NKAIN3: variants seen among roughly 807,000 people sequenced by gnomAD.
NKAIN3 encodes sodium/potassium transporting ATPase interacting 3.
NKAIN3 carries 25 observed loss-of-function variants against 30.2 expected under a neutral mutation model. That is an observed-to-expected ratio of 0.83 (90% CI 0.60 to 1.16). The LOEUF (loss-of-function observed/expected upper bound fraction) is 1.16, where lower values mean the gene tolerates loss of function less well. Ranked by LOEUF, NKAIN3 falls within the 50% of genes most tolerant of loss-of-function variation. The pLI, the probability that NKAIN3 is intolerant of heterozygous loss-of-function variation, is 0.00. For synonymous variants in NKAIN3, 91 were observed against 89.6 expected, an observed-to-expected ratio of 1.02 and a Z score of -0.09; for missense variants, 225 against 254.1, an observed-to-expected ratio of 0.89 and a Z score of 0.78.
intron 3 of NKAIN3, among the ~76,000 whole-genome samples, chr8:62,720,129 G>A (rs79693169): frequency 6.2e-4 from 95 of 152,094 alleles, no homozygotes; most frequent in African/African-American, 2.2e-3. Context: ...ATTTTATGTA[G>A]GATTGTGTCA....
intron 1 of NKAIN3, among the ~76,000 whole-genome samples, chr8:62,464,985 A>G (rs965781805): frequency 3.9e-5 from 6 of 152,194 alleles, no homozygotes; most frequent in Admixed American, 2.6e-4. Context: ...GAGTTTTCTT[A>G]TGCTATATCC....
At position 62,507,792 on chromosome 8, in the gene NKAIN3, T is replaced by C. The variant is rs373952479; in HGVS notation, c.55-71747T>C. ...CTTATGGAATCTGTAAAAGAAATGA[T>C]GCTTGTACTCGGCTCCCGACTGCAA... On this transcript the variant is annotated intron_variant, in intron 1 of 6. Transcript: ENST00000623646. Among the ~76,000 whole-genome samples the C allele has an allele frequency of 1.5e-4, 23 of 152,262 alleles. 1 individual carries two copies. The East Asian group carries it at 2.7e-3, about 18-fold the overall frequency.
At chr8:62,557,293 T>C (rs1210351728) in intron 1 of NKAIN3, among the ~76,000 whole-genome samples, 1 of 152,162 alleles carries the variant, frequency 6.6e-6, no homozygotes, top group African/African-American at 2.4e-5. Context: ...AGTTTCTTTA[T>C]TCACTTGTTG....
At chr8:62,647,311 A>G (rs1336348938) in intron 3 of NKAIN3, among the ~76,000 whole-genome samples, 4 of 152,206 alleles carry the variant, frequency 2.6e-5, no homozygotes, top group Non-Finnish European at 5.9e-5. Flanking sequence ...CATGCAGATG[A>G]AAAGCAAAGT....
intron 4 of NKAIN3, among the ~76,000 whole-genome samples, chr8:62,771,839 A>G (rs1349695114): frequency 6.6e-6 from 1 of 152,180 alleles, no homozygotes; most frequent in East Asian, 1.9e-4. Context: ...ACAGGCATAC[A>G]ATGCATAATA....
At chr8:62,922,259 T>C (rs1822303043) in intron 5 of NKAIN3, among the ~76,000 whole-genome samples, 1 of 152,228 alleles carries the variant, frequency 6.6e-6, no homozygotes, top group South Asian at 2.1e-4. Context: ...AGCTTCCTGC[T>C]GGCTAATGTT....
At chr8:62,791,243 T>C (rs1167556623) in intron 4 of NKAIN3, among the ~76,000 whole-genome samples, 1 of 151,954 alleles carries the variant, frequency 6.6e-6, no homozygotes, top group Non-Finnish European at 1.5e-5. Context: ...GAATATAAAA[T>C]GAACCAACAA....
At chr8:62,869,926 C>G (rs943864168) in intron 4 of NKAIN3, among the ~76,000 whole-genome samples, 1 of 152,016 alleles carries the variant, frequency 6.6e-6, no homozygotes, top group African/African-American at 2.4e-5. Flanking sequence ...CTCGCCACCA[C>G]GCCCAGCTAA....
intron 1 of NKAIN3, among the ~76,000 whole-genome samples, chr8:62,545,891 A>T (rs1808990622): frequency 6.6e-6 from 1 of 152,208 alleles, no homozygotes; most frequent in African/African-American, 2.4e-5. Context: ...TGCTTTCCAA[A>T]AAGGCAGTGT....
At chr8:62,600,972 C>T (rs766716163) in intron 3 of NKAIN3, among the ~76,000 whole-genome samples, 1 of 152,000 alleles carries the variant, frequency 6.6e-6, no homozygotes, top group Non-Finnish European at 1.5e-5. Flanking sequence ...TTGGATTCTT[C>T]TATCAACTTT....
At position 62,589,613 on chromosome 8, in the gene NKAIN3, G is replaced by A. The variant is rs1810587408; in HGVS notation, c.193-101G>A. 2.4e-5 allele frequency: 13 copies of A among 550,606 alleles called. No homozygotes were observed. In the East Asian group the frequency reaches 3.0e-4, roughly 13 times the overall value. 34.1% of individuals were successfully genotyped at this position (550,606 alleles called of 1,614,324 possible). ...TGAGCGCTCCGTCAGTTTCTTCCCA[G>A]AAGACAGACTTATTGACATTTTTAT... On this transcript the variant is annotated intron_variant, in intron 2 of 6. Transcript: ENST00000623646.
chr8:62,936,122 C>G (rs545167849), intron 5 of NKAIN3, among the ~76,000 whole-genome samples: 1 of 152,082 alleles, frequency 6.6e-6, no homozygotes, highest in African/African-American at 2.4e-5. Context: ...TCCCAAAGAC[C>G]GGACTTAATG....
At chr8:62,557,369 T>G (rs1251204745) in intron 1 of NKAIN3, among the ~76,000 whole-genome samples, 1 of 152,170 alleles carries the variant, frequency 6.6e-6, no homozygotes, top group South Asian at 2.1e-4. Context: ...TAAACATGCA[T>G]GTACAAGTAT....
At chr8:62,415,098 TATA>T (rs1260180812) in intron 1 of NKAIN3, among the ~76,000 whole-genome samples, 2 of 139,178 alleles carry the variant, frequency 1.4e-5, no homozygotes, top group African/African-American at 2.6e-5. Context: ...CTATATTACA[TATA>T]ATATATATTA....
intron 1 of NKAIN3, among the ~76,000 whole-genome samples, chr8:62,285,885 A>G (rs1228290305): frequency 6.6e-6 from 1 of 152,170 alleles, no homozygotes; most frequent in Non-Finnish European, 1.5e-5. Context: ...GAAATGCTGA[A>G]TTGGATGCAG....
intron 4 of NKAIN3, among the ~76,000 whole-genome samples, chr8:62,790,599 GTGTC>G (rs1048400230): frequency 3.3e-5 from 5 of 151,652 alleles, no homozygotes; most frequent in African/African-American, 9.7e-5. Flanking sequence ...GTGTGTGTGT[GTGTC>G]TGTCTGTGTG....
chr8:62,538,848 A>G (rs1169095070), intron 1 of NKAIN3, among the ~76,000 whole-genome samples: 1 of 152,228 alleles, frequency 6.6e-6, no homozygotes, highest in Non-Finnish European at 1.5e-5. Flanking sequence ...AATTGAACAT[A>G]TGCAAGTTCA....
At chr8:62,643,774 T>G (rs1249343664) in intron 3 of NKAIN3, among the ~76,000 whole-genome samples, 1 of 152,170 alleles carries the variant, frequency 6.6e-6, no homozygotes, top group African/African-American at 2.4e-5. Flanking sequence ...TTTCTATCTC[T>G]TAAGAGCTTT....
At chr8:62,421,449 T>C (rs1159000757) in intron 1 of NKAIN3, among the ~76,000 whole-genome samples, 1 of 152,146 alleles carries the variant, frequency 6.6e-6, no homozygotes, top group Non-Finnish European at 1.5e-5. Context: ...AGTGTGTATG[T>C]ACTTTGGCAG....
Sources: gnomAD v4.1 joint callset for allele counts (sites outside exome capture counted in the v4.1 genomes callset) on GRCh38, gnomAD v4.1.1 for gene constraint, MANE v1.5 for transcripts, NCBI Gene and HGNC (gene_info 2026-07-23, HGNC 2026-07-21) for gene names.